Variants in FRMD4A observed in about 807,000 individuals in gnomAD.
FRMD4A encodes the protein FERM domain-containing protein 4A.
FRMD4A carries 29 observed loss-of-function variants against 129.1 expected under a neutral mutation model. That is an observed-to-expected ratio of 0.22 (90% CI 0.17 to 0.31). The LOEUF (loss-of-function observed/expected upper bound fraction) is 0.31. Among genes scored for constraint, FRMD4A ranks in the 10% least tolerant of loss-of-function variants. The pLI, the probability that FRMD4A is intolerant of heterozygous loss-of-function variation, is 1.00. For missense variants in FRMD4A, 1,272 were observed against 1,375.8 expected, an observed-to-expected ratio of 0.92 and a Z score of 1.19; for synonymous variants, 634 against 571.6, an observed-to-expected ratio of 1.11 and a Z score of -1.56.
At chr10:14,307,857 GA>G (rs1207812948) in intron 2 of FRMD4A, among the ~76,000 whole-genome samples, 3 of 152,180 alleles carry the variant, frequency 2.0e-5, no homozygotes, top group Non-Finnish European at 4.4e-5. Context: ...ATTCACCTTA[GA>G]ACTGACTCTA....
At chr10:13,784,967 A>G (rs1184232252) in intron 5 of FRMD4A, among the ~76,000 whole-genome samples, 3 of 150,272 alleles carry the variant, frequency 2.0e-5, no homozygotes, top group Non-Finnish European at 4.4e-5. Context: ...CTCCAGCCTG[A>G]ACAACAGAGG....
intron 2 of FRMD4A, among the ~76,000 whole-genome samples, chr10:14,234,865 T>A (rs772088287): frequency 2.0e-5 from 3 of 152,246 alleles, no homozygotes; most frequent in Non-Finnish European, 2.9e-5. Context: ...CTACGTTAGA[T>A]CAGTTGCTAC....
chr10:13,965,808 T>C (rs1417601573), intron 2 of FRMD4A, among the ~76,000 whole-genome samples: 1 of 152,228 alleles, frequency 6.6e-6, no homozygotes, highest in Non-Finnish European at 1.5e-5. Context: ...TCTCTCTCTG[T>C]AGAAAATGTT....
chr10:14,241,957 C>T (rs1220010870), intron 2 of FRMD4A, among the ~76,000 whole-genome samples: 1 of 152,032 alleles, frequency 6.6e-6, no homozygotes, highest in African/African-American at 2.4e-5. Context: ...AGCTGCTTTG[C>T]CTGTAACACT....
chr10:13,952,885 G>C (rs111976799), intron 2 of FRMD4A, among the ~76,000 whole-genome samples: 1 of 151,332 alleles, frequency 6.6e-6, no homozygotes, highest in Non-Finnish European at 1.5e-5. Context: ...TAGTAGAGAA[G>C]GGGTTTCGCC....
intron 14 of FRMD4A, among the ~76,000 whole-genome samples, chr10:13,700,816 GTTGCTTTT>G (rs1228140189): frequency 1.6e-5 from 1 of 63,930 alleles, no homozygotes; most frequent in African/African-American, 6.9e-5. Context: ...AAACAGGGTA[GTTGCTTTT>G]TTTTTTTTTT....
intron 2 of FRMD4A, among the ~76,000 whole-genome samples, chr10:14,273,605 C>T (rs1317687288): frequency 6.6e-6 from 1 of 152,034 alleles, no homozygotes; most frequent in Admixed American, 6.6e-5. Flanking sequence ...TGAATTCTAA[C>T]CTCTTCATAA....
At chr10:14,066,012 G>A (rs1243505033) in intron 2 of FRMD4A, among the ~76,000 whole-genome samples, 1 of 150,242 alleles carries the variant, frequency 6.7e-6, no homozygotes, top group Non-Finnish European at 1.5e-5. Context: ...ATGTATTTGT[G>A]TGTGTGTGTG....
chr10:13,941,972 A>C (rs2095295961), intron 2 of FRMD4A, among the ~76,000 whole-genome samples: 1 of 152,174 alleles, frequency 6.6e-6, no homozygotes, highest in Non-Finnish European at 1.5e-5. Flanking sequence ...TGAGGGAAGC[A>C]CATGGTGGAC....
chr10:13,881,856 A>G (rs749374036), intron 2 of FRMD4A, among the ~76,000 whole-genome samples: 6 of 151,438 alleles, frequency 4.0e-5, no homozygotes, highest in Admixed American at 1.3e-4. Context: ...AGCAGGGAAC[A>G]CTGGAGGCTC....
chr10:13,842,600 C>T (rs559730432), intron 3 of FRMD4A, among the ~76,000 whole-genome samples: 111 of 152,302 alleles, frequency 7.3e-4, no homozygotes, highest in Non-Finnish European at 1.0e-3. Flanking sequence ...GAATTCAAAC[C>T]GGATCTGACT....
intron 15 of FRMD4A, among the ~76,000 whole-genome samples, chr10:13,676,185 G>C (rs111597591): frequency 2.6e-5 from 4 of 152,194 alleles, no homozygotes; most frequent in African/African-American, 9.6e-5. Flanking sequence ...TGAAGCTATT[G>C]TACTTTTTCT....
chr10:14,187,888 T>C (rs1451459669), intron 2 of FRMD4A, among the ~76,000 whole-genome samples: 1 of 152,234 alleles, frequency 6.6e-6, no homozygotes, highest in African/African-American at 2.4e-5. Context: ...ATTAGCTTTA[T>C]GGGCCTTGGG....
chr10:14,031,480 C>G (rs995458902), intron 2 of FRMD4A, among the ~76,000 whole-genome samples: 1 of 152,114 alleles, frequency 6.6e-6, no homozygotes. Flanking sequence ...GTTGGTCAGG[C>G]TGGTCTTGAA....
chr10:13,944,318 G>A (rs547005966), intron 2 of FRMD4A, among the ~76,000 whole-genome samples: 50 of 152,146 alleles, frequency 3.3e-4, no homozygotes, highest in Non-Finnish European at 5.4e-4. Context: ...TGCTTGCCAG[G>A]GATGTAGGCT....
chr10:13,753,904 A>G (rs2130665720), intron 8 of FRMD4A, among the ~76,000 whole-genome samples: 1 of 152,306 alleles, frequency 6.6e-6, no homozygotes. Flanking sequence ...TTCCTTGATT[A>G]CCGAGTCTCG....
chr10:13,701,311 C>T lies in FRMD4A; in HGVS notation c.975+29G>A, dbSNP rs182862672. ...AAACTAAGAGAGGCAGACAATGGCCCGGGCTTGGTGAGAGGTCTGGTCACT... is the reference window on the plus strand; with the variant it reads ...AAACTAAGAGAGGCAGACAATGGCCTGGGCTTGGTGAGAGGTCTGGTCACT... On this transcript the variant is annotated intron_variant, in intron 14 of 24. Transcript: ENST00000357447. The T allele has an allele frequency of 2.8e-4, 443 of 1,600,538 alleles. 1 individual carries two copies. The highest frequency in any genetic ancestry group is 2.4e-3 in the Admixed American group (143 of 59,050).
At chr10:14,241,721 A>G (rs1287094457) in intron 2 of FRMD4A, among the ~76,000 whole-genome samples, 1 of 126,372 alleles carries the variant, frequency 7.9e-6, no homozygotes, top group Non-Finnish European at 1.7e-5. Context: ...AAAAAAAAAA[A>G]GAGCCAACTG....
chr10:13,674,968 C>T lies in FRMD4A; in HGVS notation c.1194G>A (p.Leu398=). The T allele has an allele frequency of 6.2e-7, 1 of 1,614,106 alleles. No individual in the cohort carries two copies. Among genetic ancestry groups the T allele is most frequent in the Admixed American group, 1.7e-5 (1 of 60,018 alleles). Residue 398 remains leucine (L), a synonymous_variant, in exon 16 of 25, where the codon CTG becomes CTA. Coordinates refer to ENST00000357447, the MANE Select transcript of FRMD4A (RefSeq NM_018027.5). ...CCAGCCTCTGACGCAGGGTTTCCTC[C>T]AGAGCTTCCTGCCTGGACTTCAAGG... The part of the protein sequence containing the change: ...LAALKSRQEA[L]EETLRQRLEE...
Sources: allele counts gnomAD v4.1 joint callset (sites outside exome capture counted in the v4.1 genomes callset), GRCh38; gene constraint gnomAD v4.1.1; transcripts MANE v1.5; gene names NCBI Gene and HGNC (gene_info 2026-07-23, HGNC 2026-07-21).